The following EDIL3 variants were observed in gnomAD, a reference collection of about 807,000 sequenced individuals.
EDIL3 encodes the protein EGF like and discoidin domains 3, also known as EGF-like repeat and discoidin I-like domain-containing protein 3.
In EDIL3, 37 loss-of-function variants were observed where a neutral mutation model predicts 67.4. The ratio of observed to expected loss-of-function variants is 0.55; its 90% CI spans 0.42 to 0.72. The LOEUF (loss-of-function observed/expected upper bound fraction) is 0.72. Ranked by LOEUF, EDIL3 falls within the 30% of genes least tolerant of loss-of-function variation. The pLI is 0.00. For missense variants in EDIL3, 527 were observed against 586.3 expected, an observed-to-expected ratio of 0.90 and a Z score of 1.04; for synonymous variants, 195 against 196.3, an observed-to-expected ratio of 0.99 and a Z score of 0.05.
intron 1 of EDIL3, among the ~76,000 whole-genome samples, chr5:84,265,810 G>A (rs1042640949): frequency 3.3e-5 from 5 of 152,292 alleles, no homozygotes; most frequent in African/African-American, 1.2e-4. Context: ...TGGCCAATGC[G>A]TTTCCTTAAT....
intron 9 of EDIL3, among the ~76,000 whole-genome samples, chr5:83,991,372 T>C (rs1453238031): frequency 1.3e-5 from 2 of 152,194 alleles, no homozygotes; most frequent in East Asian, 3.9e-4. Flanking sequence ...ATAAGCTAGA[T>C]GTACTTTCTG....
intron 9 of EDIL3, among the ~76,000 whole-genome samples, chr5:84,044,330 A>G (rs1409587050): frequency 3.9e-5 from 6 of 152,326 alleles, no homozygotes; most frequent in Non-Finnish European, 8.8e-5. Context: ...TGCATGTGAG[A>G]AATTAAGAAC....
At chr5:83,980,194 C>T (rs540058473) in intron 9 of EDIL3, among the ~76,000 whole-genome samples, 13 of 151,462 alleles carry the variant, frequency 8.6e-5, no homozygotes, top group African/African-American at 2.9e-4. Context: ...TCTTGCTGTC[C>T]TGAGATTGTA....
intron 4 of EDIL3, among the ~76,000 whole-genome samples, chr5:84,162,012 G>T (rs1748621476): frequency 6.6e-6 from 1 of 152,080 alleles, no homozygotes. Context: ...CCAAGCACCT[G>T]ATCACTGTCT....
intron 9 of EDIL3, among the ~76,000 whole-genome samples, chr5:83,969,971 TAG>T (rs1169747243): frequency 3.3e-5 from 5 of 151,662 alleles, no homozygotes; most frequent in Admixed American, 1.3e-4. Flanking sequence ...GACAGTGGTA[TAG>T]AAAACTAGAA....
intron 1 of EDIL3, among the ~76,000 whole-genome samples, chr5:84,359,096 C>T (rs1747547285): frequency 6.6e-6 from 1 of 152,088 alleles, no homozygotes; most frequent in African/African-American, 2.4e-5. Flanking sequence ...CTCCGTCCCA[C>T]CCACAAATCA....
intron 1 of EDIL3, among the ~76,000 whole-genome samples, chr5:84,284,953 C>A (rs62360081): frequency 0.088 from 13,403 of 152,120 alleles, 677 homozygotes; most frequent in Middle Eastern, 0.17. Context: ...CATTCTGTGA[C>A]CAGAGAATGC....
rs544062614 is a variant in EDIL3 at position 84,040,831 on chromosome 5, C to A, written c.1137+19469G>T. Among the ~76,000 whole-genome samples the A allele has an allele frequency of 3.9e-5, 6 of 152,002 alleles. No homozygotes were observed. The South Asian group carries it at 1.2e-3, about 32-fold the overall frequency. The stretch of plus-strand genomic sequence containing the variant: ...AAAAGTCAGTATATCTAAGTAAGTC[C>A]CATTAGAATGGGACTTCAGGCCAGG... On this transcript the variant is annotated intron_variant, in intron 9 of 10. Coordinates refer to ENST00000296591, the MANE Select transcript of EDIL3 (RefSeq NM_005711.5).
At chr5:84,155,846 T>C (rs1394109070) in intron 4 of EDIL3, among the ~76,000 whole-genome samples, 1 of 152,230 alleles carries the variant, frequency 6.6e-6, no homozygotes, top group Non-Finnish European at 1.5e-5. Context: ...ATCATTTATT[T>C]ATGTGTTCAT....
chr5:84,347,120 T>C (rs902828656), intron 1 of EDIL3, among the ~76,000 whole-genome samples: 1 of 152,188 alleles, frequency 6.6e-6, no homozygotes, highest in African/African-American at 2.4e-5. Context: ...TTCATCTATA[T>C]ATTTAGGAGG....
At chr5:84,308,044 G>A (rs574336484) in intron 1 of EDIL3, among the ~76,000 whole-genome samples, 79 of 152,226 alleles carry the variant, frequency 5.2e-4, no homozygotes, top group African/African-American at 1.8e-3. Flanking sequence ...CTGCCCAACA[G>A]TATAAAGAAA....
In EDIL3 at chr5:84,198,457, T is replaced by C. The variant is rs535339260; in HGVS notation, c.227-17936A>G. Among the ~76,000 whole-genome samples, 6 of 152,218 alleles carry C rather than the reference T, an allele frequency of 3.9e-5. No individual in the cohort carries two copies. In the South Asian group the frequency reaches 6.2e-4, roughly 16 times the overall value. On this transcript the variant is annotated intron_variant, in intron 3 of 10. Transcript: ENST00000296591. ...TGTAGTGAAGCCATATATATGCCTA[T>C]ATACATTATCTTGTGTATATATTTA...
At chr5:84,343,673 C>T (rs1042202244) in intron 1 of EDIL3, among the ~76,000 whole-genome samples, 1 of 152,004 alleles carries the variant, frequency 6.6e-6, no homozygotes, top group African/African-American at 2.4e-5. Flanking sequence ...TCGATGATGG[C>T]TATACATGTA....
At chr5:84,130,704 A>G (rs1301429452) in intron 5 of EDIL3, among the ~76,000 whole-genome samples, 1 of 152,128 alleles carries the variant, frequency 6.6e-6, no homozygotes, top group African/African-American at 2.4e-5. Context: ...CTGCTCTTGT[A>G]ATTCACTAAA....
At chr5:84,164,894 T>C (rs1748677699) in intron 4 of EDIL3, among the ~76,000 whole-genome samples, 1 of 152,044 alleles carries the variant, frequency 6.6e-6, no homozygotes, top group East Asian at 1.9e-4. Context: ...GTAGAAATCC[T>C]AGGAGCGTTT....
At chr5:83,946,931 T>C (rs1377558286) in intron 10 of EDIL3, among the ~76,000 whole-genome samples, 3 of 151,900 alleles carry the variant, frequency 2.0e-5, no homozygotes, top group Non-Finnish European at 4.4e-5. Flanking sequence ...GAGATTACCA[T>C]TGTTCTAACT....
At chr5:84,359,668 T>C (rs78133801) in intron 1 of EDIL3, among the ~76,000 whole-genome samples, 444 of 152,290 alleles carry the variant, frequency 2.9e-3, no homozygotes, top group Non-Finnish European at 4.6e-3. Flanking sequence ...AATGTGCCAA[T>C]CAAAATGTTT....
intron 5 of EDIL3, among the ~76,000 whole-genome samples, chr5:84,134,502 C>T (rs921682023): frequency 3.9e-5 from 6 of 152,142 alleles, no homozygotes; most frequent in Middle Eastern, 3.2e-3. Context: ...ATCTTACCTT[C>T]AAGCAGCTTA....
Position 84,066,513 on chromosome 5 carries a change from C to A in EDIL3, c.745G>T (p.Ala249Ser). The change falls in exon 7 of 11, where the codon GCC becomes TCC. Residue 249 changes from alanine (A) to serine (S), a missense_variant. Ala to Ser is a moderately conservative substitution (Grantham distance 99). Coordinates refer to ENST00000296591, the MANE Select transcript of EDIL3 (RefSeq NM_005711.5). ...CAAGTCTTTCCATCATTACTGTAGG[C>A]AATTTTGTAGGATTTTATATACTCT... is the stretch of plus-strand genomic sequence containing the variant. ...SPEYIKSYKI[A>S]YSNDGKTWAM... 6.2e-6 allele frequency: 10 copies of A among 1,613,434 alleles called. No homozygotes were observed. Among genetic ancestry groups the A allele is most frequent in the Non-Finnish European group, 8.5e-6 (10 of 1,179,790 alleles).
Sources: gnomAD v4.1 joint callset for allele counts (sites outside exome capture counted in the v4.1 genomes callset) on GRCh38, gnomAD v4.1.1 for gene constraint, MANE v1.5 for transcripts, NCBI Gene and HGNC (gene_info 2026-07-23, HGNC 2026-07-21) for gene names.